The following PUS7 variants were observed in gnomAD, a reference collection of about 807,000 sequenced individuals.
PUS7 encodes the protein pseudouridine synthase 7.
In PUS7, 48 loss-of-function variants were observed where a neutral mutation model predicts 79.8. That is an observed-to-expected ratio of 0.60 (90% CI 0.48 to 0.76). The LOEUF is 0.76. Among genes scored for constraint, PUS7 ranks in the 30% least tolerant of loss-of-function variants. The pLI, the probability that PUS7 is intolerant of heterozygous loss-of-function variation, is 0.00. For missense variants in PUS7, 729 were observed against 797.6 expected, an observed-to-expected ratio of 0.91 and a Z score of 1.04; for synonymous variants, 286 against 272.2, an observed-to-expected ratio of 1.05 and a Z score of -0.50.
intron 14 of PUS7, among the ~76,000 whole-genome samples, chr7:105,459,999 C>T (rs1223419375): frequency 4.0e-5 from 6 of 151,842 alleles, no homozygotes; most frequent in East Asian, 3.9e-4. Context: ...AGTGTAGTGG[C>T]GTGATCTTGG....
intron 10 of PUS7, among the ~76,000 whole-genome samples, 172 bp from the exon 11 acceptor site, chr7:105,471,020 A>C (rs1823853677): frequency 6.6e-6 from 1 of 152,244 alleles, no homozygotes; most frequent in Non-Finnish European, 1.5e-5. Context: ...TAGAAAGTTT[A>C]CAGAACTATT....
intron 1 of PUS7, among the ~76,000 whole-genome samples, chr7:105,509,332 G>C (rs961678236): frequency 2.0e-5 from 3 of 151,846 alleles, no homozygotes; most frequent in Non-Finnish European, 4.4e-5. Flanking sequence ...ACAGAAAACC[G>C]GCATAATACT....
intron 4 of PUS7, among the ~76,000 whole-genome samples, chr7:105,505,692 A>C (rs548009597): frequency 1.8e-4 from 27 of 152,278 alleles, no homozygotes; most frequent in Admixed American, 6.5e-4. Flanking sequence ...CGGAGTAGCT[A>C]GGACTTTGGA....
intron 9 of PUS7, 53 bp downstream of exon 9, chr7:105,480,999 C>T (rs1562797942): frequency 1.9e-6 from 3 of 1,560,024 alleles, no homozygotes; most frequent in South Asian, 1.2e-5. Context: ...CACCAACAAA[C>T]CCTGCTTTGT....
At chr7:105,503,352 C>T (rs985599855) in intron 4 of PUS7, among the ~76,000 whole-genome samples, 1 of 152,138 alleles carries the variant, frequency 6.6e-6, no homozygotes, top group Non-Finnish European at 1.5e-5. Flanking sequence ...TTGAACAATC[C>T]AACCTACAGC....
At chr7:105,494,470 C>T (rs556198228) in intron 6 of PUS7, among the ~76,000 whole-genome samples, 9 of 132,972 alleles carry the variant, frequency 6.8e-5, no homozygotes, top group Non-Finnish European at 1.2e-4. Flanking sequence ...AGTGCAGTGG[C>T]ACAATCTCGG....
At chr7:105,459,992 G>T (rs149042806) in intron 14 of PUS7, among the ~76,000 whole-genome samples, 1 of 152,134 alleles carries the variant, frequency 6.6e-6, no homozygotes, top group Non-Finnish European at 1.5e-5. Flanking sequence ...AGGCTGGAGT[G>T]TAGTGGCGTG....
rs760433834 is a variant in PUS7, at chr7:105,459,199, T to C, written c.1818A>G (p.Leu606=). The part of the protein sequence containing the change: ...IPLFNTDVDN[L]EGKTPPVFAS... The stretch of plus-strand genomic sequence containing the variant: ...CAAAAACTGGTGGTGTCTTCCCTTC[T>C]AGGTTGTCCACATCTGTGTTGAAAA... The change falls in exon 15 of 16, where the codon CTA becomes CTG. Residue 606 remains leucine (L), a synonymous_variant. Transcript: ENST00000469408. 23 of 1,611,672 alleles carry C rather than the reference T, an allele frequency of 1.4e-5. No homozygotes were observed. In the African/African-American group the frequency reaches 3.1e-4, roughly 22 times the overall value.
chr7:105,515,627 T>A (rs1384124654), intron 1 of PUS7, among the ~76,000 whole-genome samples: 1 of 152,050 alleles, frequency 6.6e-6, no homozygotes, highest in Non-Finnish European at 1.5e-5. Flanking sequence ...GGCCCTATCA[T>A]AGACAAATTA....
chr7:105,510,420 T>C (rs1329057409), intron 1 of PUS7, among the ~76,000 whole-genome samples: 2 of 152,202 alleles, frequency 1.3e-5, no homozygotes, highest in African/African-American at 4.8e-5. Context: ...ACAGGTGGTA[T>C]ATAGTTCTGC....
chr7:105,519,334 G>A (rs1242911133), intron 1 of PUS7, among the ~76,000 whole-genome samples: 1 of 151,110 alleles, frequency 6.6e-6, no homozygotes, highest in African/African-American at 2.4e-5. Flanking sequence ...CCAGCGTTCC[G>A]GCGATTCTCC....
intron 5 of PUS7, among the ~76,000 whole-genome samples, chr7:105,496,226 T>TATAGAGAG (rs1197032072): frequency 6.2e-5 from 5 of 81,134 alleles, no homozygotes; most frequent in African/African-American, 2.4e-4. Flanking sequence ...TATATATATA[T>TATAGAGAG]AGAGAGAGAG....
At chr7:105,496,733 T>C (rs1825051198) in intron 5 of PUS7, among the ~76,000 whole-genome samples, 1 of 148,504 alleles carries the variant, frequency 6.7e-6, no homozygotes, top group South Asian at 2.2e-4. Context: ...TCTTGATAAA[T>C]ATGTGAGTTT....
At chr7:105,508,794 C>T (rs1269676493) in intron 1 of PUS7, among the ~76,000 whole-genome samples, 3 of 143,548 alleles carry the variant, frequency 2.1e-5, no homozygotes, top group East Asian at 2.0e-4. Flanking sequence ...ATTGCTTGAA[C>T]CCGGGAGGCA....
chr7:105,471,537 G>C (rs1210049590), intron 10 of PUS7, among the ~76,000 whole-genome samples: 2 of 152,180 alleles, frequency 1.3e-5, no homozygotes, highest in Non-Finnish European at 2.9e-5. Flanking sequence ...TAGAGGCTGG[G>C]CGTGGTGCTC....
intron 1 of PUS7, among the ~76,000 whole-genome samples, chr7:105,508,871 TA>T (rs34249093): frequency 0.022 from 514 of 22,914 alleles, 23 homozygotes; most frequent in Middle Eastern, 0.1. Context: ...GACATTGTCT[TA>T]AAAAAAAAAA....
At chr7:105,521,491 C>G (rs1826109753) in intron 1 of PUS7, among the ~76,000 whole-genome samples, 1 of 149,822 alleles carries the variant, frequency 6.7e-6, no homozygotes, top group South Asian at 2.1e-4. Flanking sequence ...AGCCCGTCCA[C>G]TCCTACTCTG....
chr7:105,460,972 A>G (rs1477309185), intron 14 of PUS7, among the ~76,000 whole-genome samples: 1 of 152,080 alleles, frequency 6.6e-6, no homozygotes, highest in Non-Finnish European at 1.5e-5. Context: ...GGCTCAAGCA[A>G]TCCTCCCACA....
rs147547190 is a variant in PUS7, at chr7:105,500,769, C to G, written c.730+1651G>C. On this transcript the variant is annotated intron_variant, in intron 5 of 15. Transcript: ENST00000469408. ...TAGCTACACACTATCCTTGGGAGAACTGAACCAACAGTGGCTCCAATCACT... is the reference window on the plus strand; with the variant it reads ...TAGCTACACACTATCCTTGGGAGAAGTGAACCAACAGTGGCTCCAATCACT... Among the ~76,000 whole-genome samples, 244 of 152,334 alleles carry G rather than the reference C, an allele frequency of 1.6e-3. 1 individual carries two copies. Among genetic ancestry groups the G allele is most frequent in the African/African-American group, 5.7e-3 (238 of 41,590 alleles).
Sources: allele counts gnomAD v4.1 joint callset (sites outside exome capture counted in the v4.1 genomes callset), GRCh38; gene constraint gnomAD v4.1.1; transcripts MANE v1.5; gene names NCBI Gene and HGNC (gene_info 2026-07-23, HGNC 2026-07-21).